ROBO1: variants seen among roughly 807,000 people sequenced by gnomAD.
ROBO1 encodes the protein roundabout homolog 1.
Under a neutral mutation model 195.9 loss-of-function variants are expected in ROBO1, and 149 were observed. The observed-to-expected ratio is 0.76, with a 90% CI of 0.67 to 0.87. ROBO1 has a LOEUF of 0.87. Ranked by LOEUF, ROBO1 falls within the 40% of genes least tolerant of loss-of-function variation. The pLI is 0.00. For synonymous variants in ROBO1, 816 were observed against 733.2 expected, an observed-to-expected ratio of 1.11 and a Z score of -1.82; for missense variants, 1,933 against 2,068.3, an observed-to-expected ratio of 0.93 and a Z score of 1.27.
chr3:79,309,572 C>T (rs2033386316), intron 2 of ROBO1, among the ~76,000 whole-genome samples: 1 of 152,156 alleles, frequency 6.6e-6, no homozygotes, highest in East Asian at 1.9e-4. Flanking sequence ...CACCACTGCA[C>T]TCCAACCTGG....
chr3:79,709,575 A>G (rs1172819660), intron 1 of ROBO1, among the ~76,000 whole-genome samples: 4 of 152,192 alleles, frequency 2.6e-5, no homozygotes. Flanking sequence ...ATAAATATAC[A>G]TATCTGAAGA....
chr3:78,969,348 T>C (rs1368510838), intron 3 of ROBO1, among the ~76,000 whole-genome samples: 1 of 152,174 alleles, frequency 6.6e-6, no homozygotes, highest in Non-Finnish European at 1.5e-5. Context: ...AAGACAGCAC[T>C]ACAAGTCTAC....
chr3:79,398,551 T>A (rs938063669), intron 2 of ROBO1, among the ~76,000 whole-genome samples: 5 of 152,140 alleles, frequency 3.3e-5, no homozygotes, highest in Non-Finnish European at 5.9e-5. Flanking sequence ...GGTAGTTGTA[T>A]AGCAAGAATT....
At chr3:79,211,202 G>A (rs2081961118) in intron 2 of ROBO1, among the ~76,000 whole-genome samples, 1 of 151,942 alleles carries the variant, frequency 6.6e-6, no homozygotes, top group Non-Finnish European at 1.5e-5. Context: ...TTCTGAATGA[G>A]ACAGTCAATC....
At chr3:79,530,066 A>G (rs2107607574) in intron 2 of ROBO1, among the ~76,000 whole-genome samples, 1 of 152,318 alleles carries the variant, frequency 6.6e-6, no homozygotes, top group Admixed American at 6.5e-5. Flanking sequence ...ATCAAAAGTT[A>G]AAACTCTCAC....
chr3:78,888,371 A>G (rs1326286439), intron 4 of ROBO1, among the ~76,000 whole-genome samples: 2 of 152,202 alleles, frequency 1.3e-5, no homozygotes, highest in African/African-American at 4.8e-5. Context: ...ATTTAGGCTG[A>G]TCACGGGAAG....
chr3:79,364,261 TAC>T (rs770259286), intron 2 of ROBO1, among the ~76,000 whole-genome samples: 3 of 149,242 alleles, frequency 2.0e-5, no homozygotes, highest in Admixed American at 6.7e-5. Context: ...TACATATATA[TAC>T]ACACACACAT....
chr3:78,684,055 T>C (rs75306350), intron 10 of ROBO1, among the ~76,000 whole-genome samples: 1 of 152,174 alleles, frequency 6.6e-6, no homozygotes, highest in East Asian at 1.9e-4. Context: ...AATTAGTATG[T>C]ATGTCCACTA....
At chr3:79,576,720 TG>T (rs1480609562) in intron 2 of ROBO1, among the ~76,000 whole-genome samples, 1 of 151,884 alleles carries the variant, frequency 6.6e-6, no homozygotes, top group African/African-American at 2.4e-5. Flanking sequence ...AAAAATGAAA[TG>T]GGGAAAAAAG....
chr3:78,976,975 C>T (rs1466999061), intron 3 of ROBO1, among the ~76,000 whole-genome samples: 1 of 152,246 alleles, frequency 6.6e-6, no homozygotes, highest in Admixed American at 6.5e-5. Flanking sequence ...ACACCAAGTG[C>T]CATTTTCTTT....
chr3:79,765,952 T>A (rs2107538959), intron 1 of ROBO1, among the ~76,000 whole-genome samples: 1 of 152,220 alleles, frequency 6.6e-6, no homozygotes, highest in Admixed American at 6.5e-5. Context: ...CACAGCTTGA[T>A]GAAAATCACT....
chr3:79,428,169 A>G (rs527827648), intron 2 of ROBO1, among the ~76,000 whole-genome samples: 2 of 152,296 alleles, frequency 1.3e-5, no homozygotes, highest in Non-Finnish European at 2.9e-5. Flanking sequence ...ATCAAAAAAG[A>G]CATATAAGTG....
intron 3 of ROBO1, among the ~76,000 whole-genome samples, chr3:78,977,936 T>C (rs1010441975): frequency 1.3e-5 from 2 of 152,280 alleles, no homozygotes; most frequent in Middle Eastern, 3.4e-3. Flanking sequence ...ATAATTATAA[T>C]AGTGCCATCT....
intron 3 of ROBO1, among the ~76,000 whole-genome samples, chr3:79,019,810 GA>G (rs2078060811): frequency 2.0e-5 from 3 of 151,728 alleles, no homozygotes; most frequent in African/African-American, 7.3e-5. Context: ...CCGCTTCCAG[GA>G]ATTGGAATAA....
intron 10 of ROBO1, among the ~76,000 whole-genome samples, chr3:78,676,212 C>G (rs747089670): frequency 3.9e-5 from 6 of 152,042 alleles, no homozygotes; most frequent in Non-Finnish European, 7.4e-5. Flanking sequence ...TAGATAAAAC[C>G]AGAAAGATGG....
At chr3:78,711,445 TTCCTTCCTTCC>T (rs1559774164) in intron 8 of ROBO1, among the ~76,000 whole-genome samples, 1,422 of 104,928 alleles carry the variant, frequency 0.014, 121 homozygotes, top group South Asian at 0.024. Flanking sequence ...CTTTCTTTCC[TTCCTTCCTTCC>T]TTCCTTCCTT....
intron 2 of ROBO1, among the ~76,000 whole-genome samples, chr3:79,556,771 A>T (rs1007637442): frequency 1.3e-5 from 2 of 151,898 alleles, no homozygotes; most frequent in Admixed American, 1.3e-4. Flanking sequence ...GTTTCAGATT[A>T]TTCATATTTT....
chr3:78,603,448 A>G (rs1703290898), intron 29 of ROBO1, among the ~76,000 whole-genome samples: 2 of 152,182 alleles, frequency 1.3e-5, no homozygotes, highest in South Asian at 4.1e-4. Context: ...GAATTTATAG[A>G]TTATCTGTCC....
intron 1 of ROBO1, among the ~76,000 whole-genome samples, chr3:79,690,447 AAAAAC>A (rs1399081486): frequency 6.6e-6 from 1 of 152,060 alleles, no homozygotes; most frequent in Non-Finnish European, 1.5e-5. Context: ...GGGAAAAGGC[AAAAAC>A]AAAACAAAAT....
Sources: gnomAD v4.1 joint callset for allele counts (sites outside exome capture counted in the v4.1 genomes callset) on GRCh38, gnomAD v4.1.1 for gene constraint, MANE v1.5 for transcripts, NCBI Gene and HGNC (gene_info 2026-07-23, HGNC 2026-07-21) for gene names.